PCDH11Y: variants seen among roughly 807,000 people sequenced by gnomAD.
The protein encoded by PCDH11Y is protocadherin-11 Y-linked.
For synonymous variants in PCDH11Y, 9 were observed against 83.6 expected, an observed-to-expected ratio of 0.11 and a Z score of 4.87; for missense variants, 12 against 224.8, an observed-to-expected ratio of 0.05 and a Z score of 6.05.
At chrY:5,565,034 T>A in intron 3 of PCDH11Y, among the ~76,000 whole-genome samples, 1 of 32,786 alleles carries the variant, frequency 3.1e-5, no homozygotes, top group Admixed American at 2.8e-4. Flanking sequence ...TAAAGTTTTA[T>A]CTTTGAGTCT....
chrY:5,602,441 T>C (rs2053473536), intron 4 of PCDH11Y, among the ~76,000 whole-genome samples: 1 of 32,834 alleles, frequency 3.0e-5, no homozygotes, highest in African/African-American at 1.2e-4. Flanking sequence ...TGAGCCGAAA[T>C]GTTTGCCACA....
exon 2 of PCDH11Y, chrY:5,099,130 A>G: frequency 1.3e-5 from 5 of 396,403 alleles, no homozygotes. Flanking sequence ...CATCCAGTTG[A>G]TGAAAGTAAG....
At chrY:5,029,252 A>T in intron 1 of PCDH11Y, among the ~76,000 whole-genome samples, 1 of 31,752 alleles carries the variant, frequency 3.1e-5, no homozygotes, top group Non-Finnish European at 7.6e-5. Flanking sequence ...TTATTTCAAT[A>T]AAATTTATGG....
chrY:5,121,455 T>C, intron 2 of PCDH11Y, among the ~76,000 whole-genome samples: 1 of 31,731 alleles, frequency 3.2e-5, no homozygotes, highest in African/African-American at 1.2e-4. Context: ...TCTGCCTGCT[T>C]TTATTCTAGC....
chrY:5,346,127 A>G lies in PCDH11Y; in HGVS notation c.3130-154930A>G, dbSNP rs2124669730. ...TACTCTGTCACACAATGCTTCTCCT[A>G]TTTCTTGGACCGTATTAGCAATAAT... is the stretch of plus-strand genomic sequence containing the variant. On this transcript the variant is annotated intron_variant, in intron 2 of 4. Transcript: ENST00000400457. Among the ~76,000 whole-genome samples, 4 of 33,937 alleles carry G rather than the reference A, an allele frequency of 1.2e-4. No individual in the cohort carries two copies. The East Asian group carries it at 3.1e-3, about 26-fold the overall frequency. The allele number at this position is 33,937 out of a possible 37,273, so 91.0% of individuals were successfully genotyped here. A position where few individuals can be genotyped will look rare whatever the true frequency, so the allele number is the denominator to read the frequency against.
intron 2 of PCDH11Y, among the ~76,000 whole-genome samples, chrY:5,407,770 G>GC (rs2053240836): frequency 1.6e-3 from 51 of 31,154 alleles, no homozygotes; most frequent in East Asian, 2.6e-3. Flanking sequence ...CAAAAAATTA[G>GC]CTGGCGTGGT....
At chrY:5,238,026 T>C (rs2052978574) in intron 2 of PCDH11Y, among the ~76,000 whole-genome samples, 15 of 33,032 alleles carry the variant, frequency 4.5e-4, no homozygotes, top group African/African-American at 1.8e-3. Context: ...CAATGCCATC[T>C]CCATCAAGCT....
Position 5,026,279 on chromosome Y carries a change from T to C in PCDH11Y, c.-133-5627T>C. Among the ~76,000 whole-genome samples, 5 of 31,213 alleles carry C rather than the reference T, an allele frequency of 1.6e-4. No homozygotes were observed. In the South Asian group the frequency reaches 3.6e-3, roughly 23 times the overall value. The allele number at this position is 31,213 out of a possible 37,273, so 83.7% of individuals were successfully genotyped here. A position where few individuals can be genotyped will look rare whatever the true frequency, so the allele number is the denominator to read the frequency against. On this transcript the variant is annotated intron_variant, in intron 1 of 5. Transcript: ENST00000333703. The stretch of plus-strand genomic sequence containing the variant: ...GAAAGAATAATTTTCCAGAGGAACT[T>C]TACTCAGTTTTAGAGAGAAATCCAA...
At chrY:5,348,280 G>T (rs2053154430) in intron 2 of PCDH11Y, among the ~76,000 whole-genome samples, 1 of 31,488 alleles carries the variant, frequency 3.2e-5, no homozygotes, top group Non-Finnish European at 7.7e-5. Context: ...AAATCAGGCC[G>T]TTGGCCATCC....
intron 2 of PCDH11Y, among the ~76,000 whole-genome samples, chrY:5,452,779 AACAC>A (rs2053294404): frequency 3.0e-5 from 1 of 33,351 alleles, no homozygotes; most frequent in Admixed American, 2.8e-4. Context: ...CAGAAATAGA[AACAC>A]ACAAGCCTGG....
At chrY:5,670,518 G>T in intron 4 of PCDH11Y, among the ~76,000 whole-genome samples, 1 of 32,972 alleles carries the variant, frequency 3.0e-5, no homozygotes, top group African/African-American at 1.2e-4. Flanking sequence ...GGGTTGAGAG[G>T]ATATCTCATT....
At chrY:5,592,233 G>C in intron 4 of PCDH11Y, among the ~76,000 whole-genome samples, 2 of 33,345 alleles carry the variant, frequency 6.0e-5, no homozygotes, top group Admixed American at 5.4e-4. Context: ...ATTTAGGACA[G>C]TAAGTTCTTC....
intron 2 of PCDH11Y, among the ~76,000 whole-genome samples, chrY:5,215,714 C>T (rs2052945065): frequency 3.5e-5 from 1 of 28,484 alleles, no homozygotes; most frequent in African/African-American, 1.4e-4. Context: ...GGGCTGGGGG[C>T]TAAGGATCCT....
intron 2 of PCDH11Y, among the ~76,000 whole-genome samples, chrY:5,117,934 TATA>T (rs2052813344): frequency 3.2e-5 from 1 of 31,210 alleles, no homozygotes; most frequent in Non-Finnish European, 7.6e-5. Context: ...ATATTACATG[TATA>T]ATATGTAATA....
chrY:5,092,286 A>G, intron 1 of PCDH11Y, among the ~76,000 whole-genome samples: 1 of 32,997 alleles, frequency 3.0e-5, no homozygotes, highest in Non-Finnish European at 7.6e-5. Flanking sequence ...GTTTTCTTAC[A>G]CATCACTCTC....
chrY:5,564,673 A>G (rs2053432653), intron 3 of PCDH11Y, among the ~76,000 whole-genome samples: 2 of 33,012 alleles, frequency 6.1e-5, no homozygotes. Flanking sequence ...GCTACACGAC[A>G]GCAACTCTAG....
intron 3 of PCDH11Y, among the ~76,000 whole-genome samples, chrY:5,041,558 G>A: frequency 1.6e-4 from 5 of 32,104 alleles, no homozygotes; most frequent in Admixed American, 1.2e-3. Context: ...GAGTAATGCC[G>A]CAATAAACAT....
chrY:5,597,703 C>G, intron 4 of PCDH11Y, among the ~76,000 whole-genome samples: 1 of 31,766 alleles, frequency 3.1e-5, no homozygotes, highest in Non-Finnish European at 7.6e-5. Context: ...GACCATTATT[C>G]TAAGTGAAGT....
chrY:5,620,672 G>A (rs71203000), intron 4 of PCDH11Y, among the ~76,000 whole-genome samples: 2 of 32,871 alleles, frequency 6.1e-5, no homozygotes, highest in African/African-American at 2.4e-4. Flanking sequence ...ATTGGCAAAC[G>A]AAAGCCAGCA....
Sources: gnomAD v4.1 joint callset for allele counts (sites outside exome capture counted in the v4.1 genomes callset) on GRCh38, gnomAD v4.1.1 for gene constraint, MANE v1.5 for transcripts, NCBI Gene and HGNC (gene_info 2026-07-23, HGNC 2026-07-21) for gene names.